Variants in PACRG observed in about 807,000 individuals in gnomAD.
PACRG encodes parkin coregulated gene protein.
In PACRG, 29 loss-of-function variants were observed where a neutral mutation model predicts 29.7. The ratio of observed to expected loss-of-function variants is 0.98; its 90% CI spans 0.73 to 1.33. The LOEUF is 1.33. Ranked by LOEUF, PACRG falls within the 40% of genes most tolerant of loss-of-function variation. The pLI is 0.00. For missense variants in PACRG, 279 were observed against 316.2 expected (o/e 0.88, Z 0.89); for synonymous variants, 116 against 118.7 (o/e 0.98, Z 0.15).
intron 3 of PACRG, among the ~76,000 whole-genome samples, chr6:163,073,778 A>C (rs1585149658): frequency 6.6e-6 from 1 of 152,242 alleles, no homozygotes; most frequent in African/African-American, 2.4e-5. Context: ...AAAATATCTG[A>C]ATAGACATTT....
In PACRG at chr6:163,182,357, C is replaced by T. The variant is rs896095729; in HGVS notation, c.613+92949C>T. Among the ~76,000 whole-genome samples the T allele has an allele frequency of 1.7e-4, 26 of 152,290 alleles. No homozygotes were observed. The South Asian group carries it at 2.9e-3, about 17-fold the overall frequency. On this transcript the variant is annotated intron_variant, in intron 4 of 4. Coordinates refer to ENST00000366888, the MANE Select transcript of PACRG (RefSeq NM_001080379.2). ...TAGTTTGTTTTACTTTATTCTAGTT[C>T]TCAGTGGAAACAAAAGGCAAGAATG...
intron 4 of PACRG, among the ~76,000 whole-genome samples, chr6:163,213,838 A>C (rs777337846): frequency 2.6e-5 from 4 of 152,212 alleles, no homozygotes; most frequent in Non-Finnish European, 5.9e-5. Context: ...TTACATTTTA[A>C]TTATTTGCTC....
chr6:162,874,251 A>T (rs1425266934), intron 2 of PACRG, among the ~76,000 whole-genome samples: 1 of 151,690 alleles, frequency 6.6e-6, no homozygotes, highest in African/African-American at 2.4e-5. Flanking sequence ...AAATTCTGAG[A>T]TGGCTTAAAG....
intron 2 of PACRG, among the ~76,000 whole-genome samples, chr6:162,947,470 A>AT (rs372977724): frequency 2.1e-5 from 2 of 96,182 alleles, no homozygotes; most frequent in African/African-American, 4.3e-5. Flanking sequence ...AATCATATAT[A>AT]ATATATATAT....
chr6:162,778,340 G>A (rs903987026), intron 1 of PACRG, among the ~76,000 whole-genome samples: 1 of 152,116 alleles, frequency 6.6e-6, no homozygotes, highest in African/African-American at 2.4e-5. Context: ...ATTTGTTCCT[G>A]TGGTTGTATA....
chr6:163,184,124 C>T (rs1426548551), intron 4 of PACRG, among the ~76,000 whole-genome samples: 2 of 152,200 alleles, frequency 1.3e-5, no homozygotes, highest in African/African-American at 4.8e-5. Flanking sequence ...CCTCACCATC[C>T]TTTTAAATTA....
At chr6:163,031,025 C>A (rs1219914723) in intron 2 of PACRG, among the ~76,000 whole-genome samples, 1 of 152,166 alleles carries the variant, frequency 6.6e-6, no homozygotes, top group Non-Finnish European at 1.5e-5. Flanking sequence ...CAATGATATT[C>A]CTGCCTAACT....
intron 2 of PACRG, among the ~76,000 whole-genome samples, chr6:163,001,637 C>T (rs964277509): frequency 3.1e-4 from 47 of 151,974 alleles, no homozygotes; most frequent in Admixed American, 7.2e-4. Flanking sequence ...CTCATTTATA[C>T]GGTATAATTG....
chr6:162,856,993 G>T (rs1180012324), intron 2 of PACRG, among the ~76,000 whole-genome samples: 1 of 152,148 alleles, frequency 6.6e-6, no homozygotes, highest in East Asian at 1.9e-4. Flanking sequence ...CTATGAATGT[G>T]CTTGGGACGG....
At chr6:162,811,797 T>G (rs1005789381) in intron 1 of PACRG, among the ~76,000 whole-genome samples, 1 of 152,180 alleles carries the variant, frequency 6.6e-6, no homozygotes, top group Non-Finnish European at 1.5e-5. Flanking sequence ...TGATATAGGT[T>G]GACAACCCCT....
At chr6:163,275,797 G>T (rs1342382042) in intron 4 of PACRG, among the ~76,000 whole-genome samples, 2 of 152,070 alleles carry the variant, frequency 1.3e-5, no homozygotes. Context: ...AAGCTCTCAA[G>T]AATTAGACCT....
chr6:163,200,864 G>A (rs9458746), intron 4 of PACRG, among the ~76,000 whole-genome samples: 1,887 of 152,290 alleles, frequency 0.012, 47 homozygotes, highest in African/African-American at 0.043. Context: ...ACTTCTGCAC[G>A]TCAGCGTGCT....
chr6:163,175,145 A>G (rs1290746470), intron 4 of PACRG, among the ~76,000 whole-genome samples: 1 of 152,156 alleles, frequency 6.6e-6, no homozygotes, highest in Non-Finnish European at 1.5e-5. Flanking sequence ...GGTTGCTGAT[A>G]TCTGTTTGAC....
chr6:162,753,842 G>A (rs774461687), intron 1 of PACRG, among the ~76,000 whole-genome samples: 1 of 152,154 alleles, frequency 6.6e-6, no homozygotes, highest in Non-Finnish European at 1.5e-5. Flanking sequence ...ATGCAGGAGT[G>A]TGAGTTAATT....
intron 4 of PACRG, among the ~76,000 whole-genome samples, chr6:163,296,752 G>A (rs1055365879): frequency 3.3e-5 from 5 of 152,146 alleles, no homozygotes; most frequent in African/African-American, 9.7e-5. Flanking sequence ...TCATTTTAAT[G>A]TACTTTGCTC....
intron 2 of PACRG, among the ~76,000 whole-genome samples, chr6:162,897,195 G>A (rs897062712): frequency 3.3e-5 from 5 of 152,180 alleles, no homozygotes; most frequent in Non-Finnish European, 1.5e-5. Flanking sequence ...CAAAAAATGT[G>A]CATGATATAA....
At chr6:163,302,477 T>C (rs1039448149) in intron 4 of PACRG, among the ~76,000 whole-genome samples, 1 of 152,250 alleles carries the variant, frequency 6.6e-6, no homozygotes, top group Non-Finnish European at 1.5e-5. Flanking sequence ...TATTTTTAAC[T>C]AAGACAGTTG....
intron 4 of PACRG, among the ~76,000 whole-genome samples, chr6:163,234,265 A>G (rs1400345346): frequency 1.3e-5 from 2 of 150,266 alleles, no homozygotes; most frequent in African/African-American, 4.9e-5. Flanking sequence ...TGGGGGGTGC[A>G]GATCCCTCAG....
chr6:162,849,727 TTAGAC>T (rs755620033), intron 2 of PACRG, among the ~76,000 whole-genome samples: 459 of 152,356 alleles, frequency 3.0e-3, no homozygotes, highest in Non-Finnish European at 5.3e-3. Context: ...TAGTGGCAAA[TTAGAC>T]TATAACTTGT....
Sources: gnomAD v4.1 joint callset for allele counts (sites outside exome capture counted in the v4.1 genomes callset) on GRCh38, gnomAD v4.1.1 for gene constraint, MANE v1.5 for transcripts, NCBI Gene and HGNC (gene_info 2026-07-23, HGNC 2026-07-21) for gene names.